Variants in HS6ST2 observed in about 807,000 individuals in gnomAD.
HS6ST2 encodes heparan sulfate 6-O-sulfotransferase 2.
A neutral mutation model predicts 33.0 loss-of-function variants in HS6ST2; 17 were observed. The observed-to-expected ratio is 0.52, with a 90% CI of 0.35 to 0.77. HS6ST2 has a LOEUF of 0.77. Among genes scored for constraint, HS6ST2 ranks in the 30% least tolerant of loss-of-function variants. The pLI, the probability that HS6ST2 is intolerant of heterozygous loss-of-function variation, is 0.01. For synonymous variants in HS6ST2, 248 were observed against 237.1 expected (o/e 1.05, Z -0.42); for missense variants, 519 against 551.7 (o/e 0.94, Z 0.59).
chrX:132,804,340 C>A (rs756993005), intron 2 of HS6ST2, among the ~76,000 whole-genome samples: 2 of 111,984 alleles, frequency 1.8e-5, no homozygotes, highest in East Asian at 5.7e-4. Flanking sequence ...ACCTGGACAC[C>A]ACATACCACC....
intron 2 of HS6ST2, among the ~76,000 whole-genome samples, chrX:132,954,479 T>G (rs1220541137): frequency 8.9e-6 from 1 of 111,751 alleles, no homozygotes; most frequent in Non-Finnish European, 1.9e-5. Flanking sequence ...TCTCTCATTC[T>G]CACACACACA....
In HS6ST2 at chrX:132,958,264, G is replaced by C; in HGVS notation, c.339C>G (p.Ala113=). 1 of 1,189,829 alleles carries C rather than the reference G, an allele frequency of 8.4e-7. No individual in the cohort carries two copies. Among genetic ancestry groups the C allele is most frequent in the Non-Finnish European group, 1.1e-6 (1 of 889,919 alleles). Residue 113 remains alanine, a synonymous_variant, in exon 1 of 5, where the codon GCC becomes GCG. Coordinates refer to ENST00000370833, the MANE Select transcript of HS6ST2 (RefSeq NM_001394073.1). ...RRWDLGSLCR[A]LLTRGLAALG... ...GGGCGGCCAGGCCCCGAGTGAGCAGGGCCCGGCAGAGGGAGCCCAGGTCCC... is the reference window on the plus strand; with the variant it reads ...GGGCGGCCAGGCCCCGAGTGAGCAGCGCCCGGCAGAGGGAGCCCAGGTCCC...
intron 4 of HS6ST2, among the ~76,000 whole-genome samples, chrX:132,658,446 C>G (rs1350862835): frequency 9.0e-6 from 1 of 111,730 alleles, no homozygotes; most frequent in Non-Finnish European, 1.9e-5. Flanking sequence ...GTTTCTCTAC[C>G]TGCCTGTAAA....
chrX:132,770,535 C>G (rs1187677692), intron 2 of HS6ST2, among the ~76,000 whole-genome samples: 1 of 111,867 alleles, frequency 8.9e-6, no homozygotes, highest in Non-Finnish European at 1.9e-5. Context: ...AAATAAACAA[C>G]CTGCACCACT....
At chrX:132,894,228 A>T (rs1469559640) in intron 2 of HS6ST2, among the ~76,000 whole-genome samples, 5 of 104,514 alleles carry the variant, frequency 4.8e-5, no homozygotes, top group African/African-American at 1.8e-4. Flanking sequence ...TGCAACCTCT[A>T]CCTCCTGGGT....
In HS6ST2 at chrX:132,629,087, G is replaced by A. The variant is rs1470950463; in HGVS notation, c.1074C>T (p.Phe358=). The change falls in exon 5 of 5, where the codon TTC becomes TTT. Residue 358 remains phenylalanine, a synonymous_variant. Transcript: ENST00000370833. ...GGTCTCGGAGGATGGTGATGTAGTG[G>A]AAGTTCCTATGGATGAAGCACAAAA... is the stretch of plus-strand genomic sequence containing the variant. The part of the protein sequence containing the change: ...TRNTSKSGKN[F]HYITILRDPV... 8.4e-7 allele frequency: 1 copy of A among 1,193,891 alleles called. No individual in the cohort carries two copies. Among genetic ancestry groups the A allele is most frequent in the East Asian group, 3.0e-5 (1 of 33,168 alleles).
At chrX:132,688,758 C>A (rs1179011292) in intron 3 of HS6ST2, among the ~76,000 whole-genome samples, 2 of 111,700 alleles carry the variant, frequency 1.8e-5, no homozygotes, top group African/African-American at 6.5e-5. Flanking sequence ...ATCAAGTACT[C>A]ATTAAAGTAA....
intron 3 of HS6ST2, among the ~76,000 whole-genome samples, chrX:132,686,792 G>A (rs1292262643): frequency 9.0e-6 from 1 of 111,672 alleles, no homozygotes; most frequent in Non-Finnish European, 1.9e-5. Flanking sequence ...GATGATTCTG[G>A]TGCTATACTC....
At chrX:132,636,280 A>G (rs1388696435) in intron 4 of HS6ST2, among the ~76,000 whole-genome samples, 1 of 111,645 alleles carries the variant, frequency 9.0e-6, no homozygotes, top group Non-Finnish European at 1.9e-5. Context: ...AAGCCACTAG[A>G]TGTCACTATG....
chrX:132,628,488 C>T lies in HS6ST2; in HGVS notation c.1673G>A (p.Arg558His), dbSNP rs2063494507. Residue 558 changes from arginine to histidine, a missense_variant, in exon 5 of 5, where the codon CGC becomes CAC. Physicochemically the swap from Arg to His is conservative, Grantham distance 29. Transcript: ENST00000370833. ...AAGGAGCCTTCCCTTCAGAAATTTG[C>T]GTTGTTCCTGACGCTTTCGCCTGGC... ...QEARRKRQEQRKFLKGRLLQT... is the reference protein window; with the variant it reads ...QEARRKRQEQHKFLKGRLLQT... The T allele has an allele frequency of 1.7e-6, 2 of 1,211,124 alleles. No homozygotes were observed. Among genetic ancestry groups the T allele is most frequent in the South Asian group, 3.5e-5 (2 of 56,946 alleles).
intron 2 of HS6ST2, among the ~76,000 whole-genome samples, chrX:132,720,947 T>C (rs1309121828): frequency 1.8e-5 from 2 of 109,805 alleles, no homozygotes; most frequent in Non-Finnish European, 3.8e-5. Flanking sequence ...ACCATTAGAG[T>C]GAAAGAGAGA....
intron 2 of HS6ST2, among the ~76,000 whole-genome samples, chrX:132,832,098 T>C (rs1310805234): frequency 9.0e-6 from 1 of 111,250 alleles, no homozygotes; most frequent in Non-Finnish European, 1.9e-5. Flanking sequence ...CCAATAGAAA[T>C]AATAGATTGT....
chrX:132,715,261 C>T (rs191388823), intron 2 of HS6ST2, among the ~76,000 whole-genome samples: 154 of 110,620 alleles, frequency 1.4e-3, no homozygotes, highest in Non-Finnish European at 1.6e-3. Flanking sequence ...ATAGTGACAC[C>T]CCATCTCTAC....
In HS6ST2 at chrX:132,627,099, G is replaced by T. The variant is rs2148592432; in HGVS notation, c.*1124C>A. 8.9e-6 allele frequency: 1 copy of T among 112,408 alleles called. No individual in the cohort carries two copies. The highest frequency in any genetic ancestry group is 3.2e-5 in the African/African-American group (1 of 30,918). 9.3% of individuals were successfully genotyped at this position (112,408 alleles called of 1,213,427 possible). On this transcript the variant is annotated 3_prime_UTR_variant, in exon 5 of 5. Coordinates refer to ENST00000370833, the MANE Select transcript of HS6ST2 (RefSeq NM_001394073.1). Reference sequence around the variant, plus strand: ...AAAAAGAACTAAAGGGCTAGAAATAGTTGGCCCAACTGGAAACATTACAAT... The same window carrying T: ...AAAAAGAACTAAAGGGCTAGAAATATTTGGCCCAACTGGAAACATTACAAT...
intron 2 of HS6ST2, among the ~76,000 whole-genome samples, chrX:132,870,329 A>G (rs2066045288): frequency 8.9e-6 from 1 of 112,017 alleles, no homozygotes; most frequent in East Asian, 2.8e-4. Flanking sequence ...TATCATGAAA[A>G]TGGCCATACT....
At chrX:132,661,483 C>CA (rs200329771) in intron 4 of HS6ST2, among the ~76,000 whole-genome samples, 1,380 of 110,354 alleles carry the variant, frequency 0.013, 12 homozygotes, top group Non-Finnish European at 0.021. Context: ...ATATATCTGA[C>CA]AAAAAAAATA....
chrX:132,862,399 A>G (rs763976836), intron 2 of HS6ST2, among the ~76,000 whole-genome samples: 6 of 112,272 alleles, frequency 5.3e-5, no homozygotes, highest in South Asian at 3.7e-4. Flanking sequence ...AATAGTGGCC[A>G]TACACTATAG....
At chrX:132,866,219 C>G (rs2065978374) in intron 2 of HS6ST2, among the ~76,000 whole-genome samples, 1 of 111,672 alleles carries the variant, frequency 9.0e-6, no homozygotes, top group Non-Finnish European at 1.9e-5. Flanking sequence ...TTTCCCAGCA[C>G]CATTTATTAA....
At chrX:132,739,714 CA>C (rs147979550) in intron 2 of HS6ST2, among the ~76,000 whole-genome samples, 1,135 of 52,110 alleles carry the variant, frequency 0.022, 4 homozygotes, top group African/African-American at 0.045. Context: ...GACTCCATTT[CA>C]AAAAAAAAAA....
Sources: allele counts gnomAD v4.1 joint callset (sites outside exome capture counted in the v4.1 genomes callset), GRCh38; gene constraint gnomAD v4.1.1; transcripts MANE v1.5; gene names NCBI Gene and HGNC (gene_info 2026-07-23, HGNC 2026-07-21).